Variants in HIVEP2 observed in about 807,000 individuals in gnomAD.
The protein encoded by HIVEP2 is transcription factor HIVEP2.
Under a neutral mutation model 180.7 loss-of-function variants are expected in HIVEP2, and 14 were observed. The observed-to-expected ratio is 0.08, with a 90% confidence interval of 0.05 to 0.12. HIVEP2 has a LOEUF of 0.12. Among genes scored for constraint, HIVEP2 ranks in the 10% least tolerant of loss-of-function variants. HIVEP2 has a pLI of 1.00. For missense variants in HIVEP2, 2,579 were observed against 3,008.5 expected (o/e 0.86, Z 3.34); for synonymous variants, 1,184 against 1,136.4 (o/e 1.04, Z -0.84).
At position 142,811,183 on chromosome 6, in the gene HIVEP2, A is replaced by ATGTG. The variant is rs35151863; in HGVS notation, c.-528+25748_-528+25751dup. On this transcript the variant is annotated intron_variant, in intron 2 of 9. Transcript: ENST00000367603. ...ATGTCTGTTTTCATGAGGCACGTGC[A>ATGTG]TGTGTGTGTGTGTGTGTGAGAGAGA... is the stretch of plus-strand genomic sequence containing the variant. 3.8e-3 allele frequency among the ~76,000 whole-genome samples: 571 copies of ATGTG among 148,738 alleles called. 2 individuals are homozygous for ATGTG. Among genetic ancestry groups the ATGTG allele is most frequent in the African/African-American group, 0.012 (491 of 41,094 alleles).
At chr6:142,792,753 G>A (rs887929057) in intron 2 of HIVEP2, among the ~76,000 whole-genome samples, 2 of 151,888 alleles carry the variant, frequency 1.3e-5, no homozygotes, top group African/African-American at 2.4e-5. Flanking sequence ...ATAAATAAAT[G>A]AATATTTCAT....
chr6:142,759,002 A>T (rs1376925111), intron 9 of HIVEP2, among the ~76,000 whole-genome samples: 2 of 150,782 alleles, frequency 1.3e-5, no homozygotes, highest in Admixed American at 6.6e-5. Context: ...AGAGTTTATT[A>T]AAAAAAGGAG....
Position 142,811,049 on chromosome 6 carries a change from C to T in HIVEP2, c.-528+25886G>A, listed in dbSNP as rs61318576. Among the ~76,000 whole-genome samples the T allele has an allele frequency of 5.5e-3, 835 of 152,108 alleles. 10 individuals carry two copies. Among genetic ancestry groups the T allele is most frequent in the African/African-American group, 0.019 (805 of 41,490 alleles). ...ATGTGTACACCATATTGAGAAAAAC[C>T]GATGTGTTTTGGACAGAGTCTCCGA... On this transcript the variant is annotated intron_variant, in intron 2 of 9. Coordinates refer to ENST00000367603, the MANE Select transcript of HIVEP2 (RefSeq NM_006734.4).
intron 1 of HIVEP2, among the ~76,000 whole-genome samples, chr6:142,933,359 T>C (rs1221831621): frequency 6.6e-6 from 1 of 152,252 alleles, no homozygotes; most frequent in East Asian, 1.9e-4. Flanking sequence ...TTAAAAATGT[T>C]AGATATACTG....
intron 9 of HIVEP2, among the ~76,000 whole-genome samples, chr6:142,758,589 A>G (rs867369558): frequency 3.3e-5 from 5 of 152,236 alleles, no homozygotes; most frequent in Non-Finnish European, 7.3e-5. Context: ...TTCCAAAGGT[A>G]TCATGCCTCT....
chr6:142,814,211 C>T (rs1410575456), intron 2 of HIVEP2, among the ~76,000 whole-genome samples: 2 of 151,962 alleles, frequency 1.3e-5, no homozygotes, highest in African/African-American at 2.4e-5. Flanking sequence ...ACATCAGAGG[C>T]AGAGGAAATA....
chr6:142,785,169 G>A (rs1317479370), intron 2 of HIVEP2, among the ~76,000 whole-genome samples: 1 of 151,776 alleles, frequency 6.6e-6, no homozygotes, highest in Admixed American at 6.6e-5. Context: ...GATTACAGGC[G>A]TGAGCCACCG....
intron 1 of HIVEP2, among the ~76,000 whole-genome samples, chr6:142,871,507 C>T (rs755047740): frequency 1.9e-4 from 29 of 151,488 alleles, no homozygotes; most frequent in Admixed American, 1.1e-3. Flanking sequence ...TAAAACAAAA[C>T]AAAACAAAAA....
chr6:142,855,207 C>G (rs1170213233), intron 1 of HIVEP2, among the ~76,000 whole-genome samples: 1 of 152,212 alleles, frequency 6.6e-6, no homozygotes, highest in Non-Finnish European at 1.5e-5. Flanking sequence ...GGTAAGTTCA[C>G]CCACAAGAGC....
chr6:142,903,645 A>G (rs1008648964), intron 1 of HIVEP2, among the ~76,000 whole-genome samples: 2 of 152,160 alleles, frequency 1.3e-5, no homozygotes, highest in African/African-American at 2.4e-5. Flanking sequence ...AAAAAAAATG[A>G]CTCCGGTGGT....
At chr6:142,939,348 C>A (rs1778122693) in intron 1 of HIVEP2, among the ~76,000 whole-genome samples, 1 of 151,806 alleles carries the variant, frequency 6.6e-6, no homozygotes, top group Non-Finnish European at 1.5e-5. Flanking sequence ...ATCCCATATA[C>A]CCTCATAAGC....
chr6:142,839,037 T>A (rs1038590899), intron 1 of HIVEP2, among the ~76,000 whole-genome samples: 3 of 152,132 alleles, frequency 2.0e-5, no homozygotes, highest in Non-Finnish European at 4.4e-5. Context: ...GGACACCTCA[T>A]ATCAAAGTTC....
chr6:142,892,274 C>T (rs774031431), intron 1 of HIVEP2, among the ~76,000 whole-genome samples: 2 of 152,188 alleles, frequency 1.3e-5, no homozygotes, highest in African/African-American at 4.8e-5. Flanking sequence ...AAGAACATTT[C>T]CACCATAAAG....
intron 1 of HIVEP2, among the ~76,000 whole-genome samples, chr6:142,838,748 C>A (rs1469527634): frequency 2.6e-5 from 4 of 152,124 alleles, no homozygotes; most frequent in Non-Finnish European, 2.9e-5. Flanking sequence ...TCATTGATTT[C>A]TCGATGTACA....
At chr6:142,871,906 A>C (rs566674196) in intron 1 of HIVEP2, among the ~76,000 whole-genome samples, 2 of 152,304 alleles carry the variant, frequency 1.3e-5, no homozygotes, top group African/African-American at 4.8e-5. Context: ...AGCAAAAGCA[A>C]ACCACAAATT....
chr6:142,927,223 G>C (rs532495533), intron 1 of HIVEP2, among the ~76,000 whole-genome samples: 1 of 152,166 alleles, frequency 6.6e-6, no homozygotes, highest in Admixed American at 6.5e-5. Context: ...GATTTCCCAC[G>C]GGGAGGAAAA....
At chr6:142,845,418 CTCTT>C (rs1163966596) in intron 1 of HIVEP2, among the ~76,000 whole-genome samples, 1 of 152,196 alleles carries the variant, frequency 6.6e-6, no homozygotes, top group Admixed American at 6.5e-5. Flanking sequence ...CTCTCTTTCT[CTCTT>C]CAAAGTGTGT....
At chr6:142,905,912 C>T (rs2128427319) in intron 1 of HIVEP2, among the ~76,000 whole-genome samples, 1 of 152,102 alleles carries the variant, frequency 6.6e-6, no homozygotes, top group Non-Finnish European at 1.5e-5. Flanking sequence ...CGGGGGCGGA[C>T]CACTGGAAGT....
intron 1 of HIVEP2, among the ~76,000 whole-genome samples, chr6:142,903,896 T>C (rs1269935776): frequency 6.6e-6 from 1 of 152,196 alleles, no homozygotes; most frequent in Non-Finnish European, 1.5e-5. Context: ...AATTCCATCT[T>C]AGTAGCAATT....
Sources: allele counts gnomAD v4.1 joint callset (sites outside exome capture counted in the v4.1 genomes callset), GRCh38; gene constraint gnomAD v4.1.1; transcripts MANE v1.5; gene names NCBI Gene and HGNC (gene_info 2026-07-23, HGNC 2026-07-21).